The following XIRP2 variants were observed in gnomAD, a reference collection of about 807,000 sequenced individuals.
XIRP2 encodes xin actin-binding repeat-containing protein 2.
XIRP2 carries 236 observed loss-of-function variants against 277.0 expected under a neutral mutation model. The ratio of observed to expected loss-of-function variants is 0.85; its 90% CI spans 0.77 to 0.95. The LOEUF (loss-of-function observed/expected upper bound fraction) is 0.95. Ranked by LOEUF, XIRP2 falls within the 40% of genes least tolerant of loss-of-function variation. XIRP2 has a pLI of 0.00. For synonymous variants in XIRP2, 1,490 were observed against 1,416.5 expected, an observed-to-expected ratio of 1.05 and a Z score of -1.17; for missense variants, 4,640 against 4,157.5, an observed-to-expected ratio of 1.12 and a Z score of -3.19.
In XIRP2 at chr2:167,087,233, A is replaced by T. The variant is rs187416691; in HGVS notation, c.409-48676A>T. 1.7e-3 allele frequency among the ~76,000 whole-genome samples: 259 copies of T among 152,144 alleles called. 3 individuals are homozygous for T. Among genetic ancestry groups the T allele is most frequent in the African/African-American group, 5.4e-3 (226 of 41,510 alleles). ...GGTGTCAGTGTACCCCTGCTGGGGGATGCCTCCCAGTTAGGCTGCTCGGAG... is the reference window on the plus strand; with the variant it reads ...GGTGTCAGTGTACCCCTGCTGGGGGTTGCCTCCCAGTTAGGCTGCTCGGAG... On this transcript the variant is annotated intron_variant, in intron 2 of 10. Transcript: ENST00000409195.
In XIRP2 at chr2:167,128,571, C is replaced by G. The variant is rs769405924; in HGVS notation, c.409-7338C>G. Among the ~76,000 whole-genome samples the G allele has an allele frequency of 3.9e-5, 6 of 152,204 alleles. 1 individual carries two copies. In the Middle Eastern group the frequency reaches 0.021, roughly 525 times the overall value. On this transcript the variant is annotated intron_variant, in intron 2 of 10. Coordinates refer to ENST00000409195, the MANE Select transcript of XIRP2 (RefSeq NM_152381.6). ...CCGGGGCGGTCCTGGAGCCAATCCCCCCTTGGATATTGAGAGGCAACTGTA... is the reference window on the plus strand; with the variant it reads ...CCGGGGCGGTCCTGGAGCCAATCCCGCCTTGGATATTGAGAGGCAACTGTA...
rs151053139 is a variant in XIRP2, at chr2:167,247,673, C to G, written c.6281C>G (p.Thr2094Arg). The G allele has an allele frequency of 5.8e-3, 9,391 of 1,613,586 alleles. 40 individuals are homozygous for G. Among genetic ancestry groups the G allele is most frequent in the Non-Finnish European group, 6.6e-3 (7,747 of 1,179,734 alleles). Residue 2094 changes from threonine (T) to arginine (R), a missense_variant, in exon 9 of 11, where the codon ACA becomes AGA. Transcript: ENST00000409195. ...TSTVSVKNNL[T>R]TKESDRAVRE... ...ACTGTGTCAGTTAAGAATAATCTAA[C>G]AACTAAAGAATCAGACAGGGCAGTG...
At chr2:167,131,469 C>T (rs984309987) in intron 2 of XIRP2, among the ~76,000 whole-genome samples, 1 of 152,196 alleles carries the variant, frequency 6.6e-6, no homozygotes, top group Non-Finnish European at 1.5e-5. Flanking sequence ...TCACCATCTC[C>T]CAGTCACTCT....
intron 4 of XIRP2, among the ~76,000 whole-genome samples, chr2:167,211,388 C>T (rs1050428208): frequency 1.3e-5 from 2 of 152,170 alleles, no homozygotes; most frequent in African/African-American, 4.8e-5. Context: ...AGCCACTGTG[C>T]CCAGCCCTGA....
At chr2:166,908,958 T>C (rs969987472) in intron 2 of XIRP2, among the ~76,000 whole-genome samples, 3 of 152,202 alleles carry the variant, frequency 2.0e-5, no homozygotes, top group African/African-American at 7.2e-5. Flanking sequence ...AGGGCTCTGT[T>C]CTGTTCCATT....
intron 2 of XIRP2, among the ~76,000 whole-genome samples, chr2:167,098,839 T>C (rs996314226): frequency 6.6e-6 from 1 of 152,182 alleles, no homozygotes; most frequent in Non-Finnish European, 1.5e-5. Flanking sequence ...GTGGGTCCAC[T>C]CCAGACCCTG....
intron 5 of XIRP2, among the ~76,000 whole-genome samples, chr2:167,235,477 C>T (rs928860460): frequency 2.0e-5 from 3 of 151,918 alleles, no homozygotes; most frequent in Non-Finnish European, 4.4e-5. Context: ...CATGTATTTA[C>T]TCCTTGACAT....
intron 2 of XIRP2, among the ~76,000 whole-genome samples, chr2:167,058,021 A>ATTATTTTACT (rs1454785608): frequency 0.033 from 4,535 of 136,818 alleles, 129 homozygotes; most frequent in African/African-American, 0.052. Flanking sequence ...TTATTTTATA[A>ATTATTTTACT]TTATTTTATT....
chr2:167,240,911 T>A (rs1695047029), intron 7 of XIRP2, among the ~76,000 whole-genome samples, 175 bp downstream of exon 7: 1 of 152,164 alleles, frequency 6.6e-6, no homozygotes, highest in African/African-American at 2.4e-5. Flanking sequence ...TTGCCTGTGG[T>A]CATAGGTGCA....
At chr2:167,172,393 C>G (rs1206156983) in intron 3 of XIRP2, among the ~76,000 whole-genome samples, 1 of 152,146 alleles carries the variant, frequency 6.6e-6, no homozygotes, top group African/African-American at 2.4e-5. Context: ...CATTGATAAC[C>G]TCTTATCAGG....
chr2:167,078,627 G>A (rs1180953644), intron 2 of XIRP2, among the ~76,000 whole-genome samples: 2 of 152,000 alleles, frequency 1.3e-5, no homozygotes, highest in African/African-American at 4.8e-5. Context: ...ACGAGGTCAG[G>A]AGATCAAGAC....
At position 167,246,062 on chromosome 2, in the gene XIRP2, A is replaced by G; in HGVS notation, c.4670A>G (p.Glu1557Gly). The change falls in exon 9 of 11, where the codon GAA becomes GGA. Residue 1557 changes from glutamate to glycine, a missense_variant. Glu to Gly is a moderately conservative substitution (Grantham distance 98, BLOSUM62 -2). Coordinates refer to ENST00000409195, the MANE Select transcript of XIRP2 (RefSeq NM_152381.6). Reference sequence around the variant, plus strand: ...GGCAAGAGCATTAAAGAAACCTTAGAAGATCTCTACTCTCAAAAAGTTATC... The same window carrying G: ...GGCAAGAGCATTAAAGAAACCTTAGGAGATCTCTACTCTCAAAAAGTTATC... ...IIGKSIKETL[E>G]DLYSQKVIQA... 6.2e-7 allele frequency: 1 copy of G among 1,613,646 alleles called. No homozygotes were observed. Among genetic ancestry groups the G allele is most frequent in the Non-Finnish European group, 8.5e-7 (1 of 1,179,760 alleles).
At chr2:167,063,347 T>A (rs951443127) in intron 2 of XIRP2, among the ~76,000 whole-genome samples, 2 of 151,980 alleles carry the variant, frequency 1.3e-5, no homozygotes, top group African/African-American at 2.4e-5. Context: ...TGCAGAAAGT[T>A]TTGTGTACAT....
rs541563094 is a variant in XIRP2, at chr2:166,909,588, C to A, written c.408+5698C>A. On this transcript the variant is annotated intron_variant, in intron 2 of 10. Transcript: ENST00000409195. Reference sequence around the variant, plus strand: ...CAGGGATAATTTGACTTCCTCTTTTCCTAATTGAATACCCTTAATTTCTTT... The same window carrying A: ...CAGGGATAATTTGACTTCCTCTTTTACTAATTGAATACCCTTAATTTCTTT... Among the ~76,000 whole-genome samples, 59 of 152,286 alleles carry A rather than the reference C, an allele frequency of 3.9e-4. 1 individual carries two copies. The East Asian group carries it at 0.011, about 29-fold the overall frequency.
chr2:167,109,787 A>C (rs1216017766), intron 2 of XIRP2, among the ~76,000 whole-genome samples: 1 of 152,140 alleles, frequency 6.6e-6, no homozygotes, highest in African/African-American at 2.4e-5. Flanking sequence ...TTACAATCTC[A>C]CCAGCAGTGT....
intron 2 of XIRP2, among the ~76,000 whole-genome samples, chr2:167,035,920 G>T (rs533797760): frequency 1.3e-5 from 2 of 152,336 alleles, no homozygotes; most frequent in Admixed American, 1.3e-4. Context: ...GGCTGAAAGG[G>T]CCCAACATAC....
At chr2:166,928,539 T>A (rs1685247612) in intron 2 of XIRP2, among the ~76,000 whole-genome samples, 1 of 152,220 alleles carries the variant, frequency 6.6e-6, no homozygotes, top group Non-Finnish European at 1.5e-5. Context: ...TTCCAGGAGA[T>A]TATATTTGCA....
In XIRP2 at chr2:167,258,875, G is replaced by A. The variant is rs1305516734; in HGVS notation, c.*1058G>A. 6.2e-7 allele frequency: 1 copy of A among 1,613,252 alleles called. No individual in the cohort carries two copies. The highest frequency in any genetic ancestry group is 1.7e-5 in the Admixed American group (1 of 59,832). ...AAAGACTTATTCGAGGAATGTACTA[G>A]CAATGGCTCTGAAGAAACAGACTGA... On this transcript the variant is annotated 3_prime_UTR_variant, in exon 11 of 11. Transcript: ENST00000409195.
intron 2 of XIRP2, among the ~76,000 whole-genome samples, chr2:166,930,667 G>T (rs1347893961): frequency 6.6e-6 from 1 of 152,122 alleles, no homozygotes; most frequent in African/African-American, 2.4e-5. Context: ...ATAATTATCT[G>T]ATTATTTTGG....
Sources: allele counts gnomAD v4.1 joint callset (sites outside exome capture counted in the v4.1 genomes callset), GRCh38; gene constraint gnomAD v4.1.1; transcripts MANE v1.5; gene names NCBI Gene and HGNC (gene_info 2026-07-23, HGNC 2026-07-21).